RXRA: variants seen among roughly 807,000 people sequenced by gnomAD.
The protein encoded by RXRA is retinoic acid receptor RXR-alpha.
In RXRA, 5 loss-of-function variants were observed where a neutral mutation model predicts 44.5. The observed-to-expected ratio is 0.11, with a 90% CI of 0.06 to 0.24. The LOEUF is 0.24. Among genes scored for constraint, RXRA ranks in the 10% least tolerant of loss-of-function variants. RXRA has a pLI of 1.00. For synonymous variants in RXRA, 291 were observed against 271.4 expected, an observed-to-expected ratio of 1.07 and a Z score of -0.71; for missense variants, 412 against 646.5, an observed-to-expected ratio of 0.64 and a Z score of 3.93.
intron 1 of RXRA, among the ~76,000 whole-genome samples, chr9:134,389,865 C>A (rs967481006): frequency 6.6e-6 from 1 of 152,180 alleles, no homozygotes; most frequent in African/African-American, 2.4e-5. Context: ...AGTTACCGTG[C>A]GTGCTAGCTG....
intron 1 of RXRA, among the ~76,000 whole-genome samples, chr9:134,350,832 T>A (rs1554749361): frequency 6.6e-6 from 1 of 152,228 alleles, no homozygotes; most frequent in East Asian, 1.9e-4. Flanking sequence ...GCTGAGCGGC[T>A]GAGCCTGGGG....
chr9:134,332,673 C>T (rs185703206), intron 1 of RXRA, among the ~76,000 whole-genome samples: 61 of 152,192 alleles, frequency 4.0e-4, no homozygotes, highest in Admixed American at 9.1e-4. Context: ...GTGTGCCGGG[C>T]GTAGGTGCAT....
In RXRA at chr9:134,417,291, C is replaced by G; in HGVS notation, c.744C>G (p.Thr248=). ...TGGCCGTGGAGCCCAAGACCGAGAC[C>G]TACGTGGAGGCAAACATGGGGCTGA... ...AELAVEPKTE[T]YVEANMGLNP... Residue 248 remains threonine (T), a synonymous_variant, in exon 5 of 10, where the codon ACC becomes ACG. Transcript: ENST00000481739. The surrounding 1 kb of genome is among the most constrained non-coding windows in gnomAD (Gnocchi z 6.1). The G allele has an allele frequency of 1.9e-6, 3 of 1,613,858 alleles. No individual in the cohort carries two copies. Among genetic ancestry groups the G allele is most frequent in the Non-Finnish European group, 2.5e-6 (3 of 1,179,982 alleles).
At position 134,431,934 on chromosome 9, in the gene RXRA, G is replaced by A. The variant is rs1831538731; in HGVS notation, c.1073G>A (p.Arg358Gln). Reference protein sequence around the residue: ...RVLTELVSKMRDMQMDKTELG... With the variant: ...RVLTELVSKMQDMQMDKTELG... Reference sequence around the variant, plus strand: ...CTGACGGAGCTTGTGTCCAAGATGCGGGACATGCAGATGGACAAGACGGAG... The same window carrying A: ...CTGACGGAGCTTGTGTCCAAGATGCAGGACATGCAGATGGACAAGACGGAG... Residue 358 changes from arginine to glutamine, a missense_variant, in exon 8 of 10, where the codon CGG becomes CAG. Physicochemically the swap from Arg to Gln is conservative, Grantham distance 43. Around this residue, in one of 4 missense-constraint regions of RXRA, gnomAD observed 141 missense variants for 270.8 expected, o/e 0.52. Transcript: ENST00000481739. 3.1e-6 allele frequency: 5 copies of A among 1,613,884 alleles called. No individual in the cohort carries two copies. Among genetic ancestry groups the A allele is most frequent in the Non-Finnish European group, 4.2e-6 (5 of 1,179,892 alleles).
intron 9 of RXRA, among the ~76,000 whole-genome samples, chr9:134,435,755 C>T (rs1047957308): frequency 1.3e-5 from 2 of 152,182 alleles, no homozygotes; most frequent in African/African-American, 4.8e-5. Context: ...CTGCGACTCA[C>T]CAGTGTGCTC....
intron 5 of RXRA, among the ~76,000 whole-genome samples, chr9:134,420,337 C>T (rs998710149): frequency 2.6e-5 from 4 of 152,188 alleles, no homozygotes; most frequent in South Asian, 2.1e-4. Context: ...TGCACAGATC[C>T]GGGAGCCCTG....
chr9:134,379,616 G>A, intron 1 of RXRA: 1 of 985,370 alleles, frequency 1.0e-6, no homozygotes, highest in South Asian at 4.7e-5. Flanking sequence ...ACAGCCGCAG[G>A]GTCTCACCCT....
intron 4 of RXRA, among the ~76,000 whole-genome samples, chr9:134,415,314 G>T (rs1351935041): frequency 3.3e-5 from 5 of 152,326 alleles, no homozygotes; most frequent in Admixed American, 6.5e-5. Flanking sequence ...GGGTGTGAAG[G>T]GAGGGGCTTG....
chr9:134,430,428 CA>C (rs1426772608), intron 7 of RXRA, among the ~76,000 whole-genome samples: 1 of 152,214 alleles, frequency 6.6e-6, no homozygotes, highest in African/African-American at 2.4e-5. Flanking sequence ...CCGGCACTTA[CA>C]GGGGGATTAA....
At position 134,407,308 on chromosome 9, in the gene RXRA, G is replaced by T. The variant is rs748305060; in HGVS notation, c.280-841G>T. Among the ~76,000 whole-genome samples the T allele has an allele frequency of 2.0e-5, 3 of 152,260 alleles. No individual in the cohort carries two copies. Among genetic ancestry groups the T allele is most frequent in the Admixed American group, 1.3e-4 (2 of 15,292 alleles). ...TTCCTGCGCACAAGCGGCGGCAGGG[G>T]TTTGCAGAAGTGGAGGCTGGGGGCT... is the stretch of plus-strand genomic sequence containing the variant. On this transcript the variant is annotated intron_variant, in intron 2 of 9. Coordinates refer to ENST00000481739, the MANE Select transcript of RXRA (RefSeq NM_002957.6). This position sits in a 1 kb window ranked among gnomAD's most constrained non-coding sequence, Gnocchi z 4.8.
chr9:134,337,873 A>G (rs1403569015), intron 1 of RXRA, among the ~76,000 whole-genome samples: 1 of 152,010 alleles, frequency 6.6e-6, no homozygotes, highest in Non-Finnish European at 1.5e-5. Flanking sequence ...AACCTCTCCA[A>G]AAAGAAACGA....
At chr9:134,361,038 G>A (rs1057091637) in intron 1 of RXRA, among the ~76,000 whole-genome samples, 3 of 152,240 alleles carry the variant, frequency 2.0e-5, no homozygotes, top group Non-Finnish European at 2.9e-5. Context: ...CGGATGTGGC[G>A]AGTGCTGCCT....
At position 134,363,593 on chromosome 9, in the gene RXRA, C is replaced by T. The variant is rs146038017; in HGVS notation, c.28+36934C>T. Among the ~76,000 whole-genome samples, 459 of 152,326 alleles carry T rather than the reference C, an allele frequency of 3.0e-3. 4 individuals are homozygous for T. The highest frequency in any genetic ancestry group is 4.4e-3 in the Non-Finnish European group (301 of 68,024). On this transcript the variant is annotated intron_variant, in intron 1 of 9. Transcript: ENST00000481739. ...CCCTCCAGGGAGGCCCCAAGGGGTG[C>T]AGGTGAGCAGGGTTGGCAACGGCAG...
At chr9:134,411,263 G>A (rs35672348) in intron 4 of RXRA, among the ~76,000 whole-genome samples, 1 of 152,152 alleles carries the variant, frequency 6.6e-6, no homozygotes, top group Non-Finnish European at 1.5e-5. Context: ...AGCTGCCTGG[G>A]CCCCCCAAAG....
chr9:134,361,716 G>A (rs997941694), intron 1 of RXRA, among the ~76,000 whole-genome samples: 7 of 152,222 alleles, frequency 4.6e-5, no homozygotes, highest in Non-Finnish European at 1.0e-4. Flanking sequence ...GGGACTCTGA[G>A]CTTCCGTGTT....
chr9:134,416,412 A>G (rs1282299427), intron 4 of RXRA, among the ~76,000 whole-genome samples: 7 of 152,024 alleles, frequency 4.6e-5, no homozygotes, highest in Non-Finnish European at 7.4e-5. Context: ...ATTTTGTCAT[A>G]ATGCTCGGCT....
intron 1 of RXRA, among the ~76,000 whole-genome samples, chr9:134,378,363 G>T (rs1830590795): frequency 6.6e-6 from 1 of 152,198 alleles, no homozygotes; most frequent in African/African-American, 2.4e-5. Context: ...CAGCGCCTGT[G>T]TGCGGGGTCC....
intron 1 of RXRA, chr9:134,379,961 G>T: frequency 1.0e-6 from 1 of 985,300 alleles, no homozygotes; most frequent in Non-Finnish European, 1.2e-6. Context: ...TCCCCTGGGG[G>T]TTGGTGGAGG....
At chr9:134,381,232 T>C (rs887847040) in intron 1 of RXRA, among the ~76,000 whole-genome samples, 11 of 152,020 alleles carry the variant, frequency 7.2e-5, no homozygotes, top group African/African-American at 2.4e-4. Context: ...GGCAGGCGTA[T>C]GGGAGTGCGT....
Sources: allele counts gnomAD v4.1 joint callset (sites outside exome capture counted in the v4.1 genomes callset), GRCh38; gene constraint gnomAD v4.1.1; regional missense constraint gnomAD v4.1.1; non-coding constraint Gnocchi (gnomAD v3.1); transcripts MANE v1.5; gene names NCBI Gene and HGNC (gene_info 2026-07-23, HGNC 2026-07-21).